Variants in ENPP1 observed in about 807,000 individuals in gnomAD.
ENPP1 encodes ectonucleotide pyrophosphatase/phosphodiesterase family member 1.
ENPP1 carries 73 observed loss-of-function variants against 122.8 expected under a neutral mutation model. The ratio of observed to expected loss-of-function variants is 0.59; its 90% CI spans 0.49 to 0.72. ENPP1 has a LOEUF of 0.72. Among genes scored for constraint, ENPP1 ranks in the 30% least tolerant of loss-of-function variants. The pLI, the probability that ENPP1 is intolerant of heterozygous loss-of-function variation, is 0.00. For missense variants in ENPP1, 978 were observed against 1,128.1 expected (o/e 0.87, Z 1.91); for synonymous variants, 367 against 391.6 (o/e 0.94, Z 0.74).
chr6:131,845,430 T>A (rs1265435970), intron 1 of ENPP1, among the ~76,000 whole-genome samples: 1 of 149,918 alleles, frequency 6.7e-6, no homozygotes, highest in African/African-American at 2.4e-5. Flanking sequence ...AGTAAAACAG[T>A]TTTTGTTGTT....
intron 1 of ENPP1, chr6:131,828,305 A>G: frequency 3.8e-6 from 2 of 520,498 alleles, no homozygotes; most frequent in Admixed American, 4.3e-5. Flanking sequence ...CAGCATGTCC[A>G]CATGATCAGC....
At chr6:131,824,742 C>T (rs1386275178) in intron 1 of ENPP1, among the ~76,000 whole-genome samples, 1 of 152,068 alleles carries the variant, frequency 6.6e-6, no homozygotes, top group East Asian at 2.0e-4. Context: ...GTATGAGCCA[C>T]CGTGCCCAGC....
At chr6:131,845,121 C>T (rs902444539) in intron 1 of ENPP1, among the ~76,000 whole-genome samples, 5 of 121,972 alleles carry the variant, frequency 4.1e-5, no homozygotes, top group Non-Finnish European at 6.3e-5. Context: ...TGCAGTGGTG[C>T]GATCTTGGCT....
intron 1 of ENPP1, among the ~76,000 whole-genome samples, chr6:131,830,905 G>T (rs1781602426): frequency 1.3e-5 from 2 of 151,916 alleles, no homozygotes; most frequent in Non-Finnish European, 2.9e-5. Flanking sequence ...GAGCTCAGGA[G>T]TTCAAGACCA....
At chr6:131,854,340 G>C (rs1446837455) in intron 5 of ENPP1, among the ~76,000 whole-genome samples, 1 of 152,084 alleles carries the variant, frequency 6.6e-6, no homozygotes, top group Non-Finnish European at 1.5e-5. Context: ...TTGAGCCCAG[G>C]AGGTTGAAGC....
intron 1 of ENPP1, among the ~76,000 whole-genome samples, chr6:131,846,022 T>C (rs1781806148): frequency 6.6e-6 from 1 of 152,180 alleles, no homozygotes; most frequent in African/African-American, 2.4e-5. Context: ...TATTTTGAAG[T>C]AAGTAAGACC....
chr6:131,816,832 A>G (rs1045553784), intron 1 of ENPP1, among the ~76,000 whole-genome samples: 1 of 152,212 alleles, frequency 6.6e-6, no homozygotes, highest in Non-Finnish European at 1.5e-5. Context: ...TTGATCCTCA[A>G]TACTCAACAA....
rs1782456062 is a variant in ENPP1, at chr6:131,890,591, A to G, written c.*80A>G. The G allele has an allele frequency of 1.5e-5, 19 of 1,256,514 alleles. No individual in the cohort carries two copies. The highest frequency in any genetic ancestry group is 2.2e-5 in the Non-Finnish European group (19 of 858,502). The allele number at this position is 1,256,514 out of a possible 1,614,324, so 77.8% of individuals were successfully genotyped here. A position where few individuals can be genotyped will look rare whatever the true frequency, so the allele number is the denominator to read the frequency against. On this transcript the variant is annotated 3_prime_UTR_variant, in exon 25 of 25. Coordinates refer to ENST00000647893, the MANE Select transcript of ENPP1 (RefSeq NM_006208.3). ...TATAGTCCTCTAGCTACACTATTGC[A>G]TTGTTCAGAAACTGTCGACCAGAGT...
Position 131,877,866 on chromosome 6 carries a change from A to AATATATAT in ENPP1, c.1894-650_1894-643dup, listed in dbSNP as rs35142604. 161 of 52,990 alleles carry AATATATAT rather than the reference A, an allele frequency of 3.0e-3. 2 individuals carry two copies. The highest frequency in any genetic ancestry group is 5.5e-3 in the African/African-American group (59 of 10,710). The allele number at this position is 52,990 out of a possible 1,614,324, so 3.3% of individuals were successfully genotyped here. A position where few individuals can be genotyped will look rare whatever the true frequency, so the allele number is the denominator to read the frequency against. On this transcript the variant is annotated intron_variant, in intron 18 of 24. Transcript: ENST00000647893. ...AAAAAAAAAAAAAAAAAAAAAAAAA[A>AATATATAT]ATATATATATATATATATATATATA...
chr6:131,861,460 C>G, intron 8 of ENPP1, 135 bp from the exon 9 acceptor site: 2 of 698,092 alleles, frequency 2.9e-6, no homozygotes, highest in Non-Finnish European at 5.3e-6. Flanking sequence ...TTATTGTCAT[C>G]TAAGTGCTGA....
intron 1 of ENPP1, among the ~76,000 whole-genome samples, chr6:131,836,009 C>T (rs7775386): frequency 0.24 from 36,118 of 152,054 alleles, 5,932 homozygotes; most frequent in African/African-American, 0.47. Flanking sequence ...GTGTCGTAAT[C>T]GTAAAACTTC....
chr6:131,877,092 G>A lies in ENPP1; in HGVS notation c.1824G>A (p.Val608=), dbSNP rs1782239029. ...PVYTPKHPKE[V]HPLVQCPFTR... ...ATACGCCAAAGCATCCCAAAGAAGTGCACCCCCTGGTACAGTGCCCCTTCA... is the reference window on the plus strand; with the variant it reads ...ATACGCCAAAGCATCCCAAAGAAGTACACCCCCTGGTACAGTGCCCCTTCA... Residue 608 remains valine, a synonymous_variant, in exon 18 of 25, where the codon GTG becomes GTA. Coordinates refer to ENST00000647893, the MANE Select transcript of ENPP1 (RefSeq NM_006208.3). 1 of 1,613,996 alleles carries A rather than the reference G, an allele frequency of 6.2e-7. No homozygotes were observed. The highest frequency in any genetic ancestry group is 8.5e-7 in the Non-Finnish European group (1 of 1,179,956).
At position 131,890,773 on chromosome 6, in the gene ENPP1, A is replaced by T; in HGVS notation, c.*262A>T. 3 of 469,166 alleles carry T rather than the reference A, an allele frequency of 6.4e-6. No individual in the cohort carries two copies. The highest frequency in any genetic ancestry group is 3.9e-5 in the East Asian group (1 of 25,400). 29.1% of individuals were successfully genotyped at this position (469,166 alleles called of 1,614,324 possible). A position where few individuals can be genotyped will look rare whatever the true frequency, so the allele number is the denominator to read the frequency against. On this transcript the variant is annotated 3_prime_UTR_variant, in exon 25 of 25. Coordinates refer to ENST00000647893, the MANE Select transcript of ENPP1 (RefSeq NM_006208.3). Reference sequence around the variant, plus strand: ...GGAATAAAGACAGACCACACCTAAAACTGCCTTTCTGCTTCTCTTAAAGGA... The same window carrying T: ...GGAATAAAGACAGACCACACCTAAATCTGCCTTTCTGCTTCTCTTAAAGGA...
At chr6:131,859,889 A>G (rs1474521092) in intron 7 of ENPP1, among the ~76,000 whole-genome samples, 1 of 152,194 alleles carries the variant, frequency 6.6e-6, no homozygotes, top group Non-Finnish European at 1.5e-5. Context: ...GCCCTCAGCA[A>G]ACCTTTTGGT....
At chr6:131,839,252 A>G (rs1030297340) in intron 1 of ENPP1, among the ~76,000 whole-genome samples, 2 of 152,012 alleles carry the variant, frequency 1.3e-5, no homozygotes, top group East Asian at 3.9e-4. Context: ...ATCCCATTGA[A>G]TATACTTAAT....
chr6:131,818,219 A>G (rs1436438620), intron 1 of ENPP1, among the ~76,000 whole-genome samples: 1 of 152,086 alleles, frequency 6.6e-6, no homozygotes, highest in Non-Finnish European at 1.5e-5. Context: ...GTATTAAAGG[A>G]GTGATGGCAC....
chr6:131,871,253 TG>T (rs139480723), intron 13 of ENPP1, among the ~76,000 whole-genome samples: 4,135 of 152,296 alleles, frequency 0.027, 80 homozygotes, highest in African/African-American at 0.032. Context: ...TACTCTTATC[TG>T]GATAATTTTC....
At chr6:131,883,671 G>T (rs751824615) in intron 21 of ENPP1, 23 bp from the exon 22 acceptor site, 1 of 1,096,516 alleles carries the variant, frequency 9.1e-7, no homozygotes, top group African/African-American at 1.5e-5. Flanking sequence ...GAATGAAAAA[G>T]TTGTCCTCTT....
At position 131,891,442 on chromosome 6, in the gene ENPP1, G is replaced by A. The variant is rs755205385; in HGVS notation, c.*931G>A. On this transcript the variant is annotated 3_prime_UTR_variant, in exon 25 of 25. Coordinates refer to ENST00000647893, the MANE Select transcript of ENPP1 (RefSeq NM_006208.3). ...CATTCTCTGTTGAGTGGTTCATTTT[G>A]AAGTTCCACAGATTGAAGAGAACAT... The A allele has an allele frequency of 3.9e-5, 6 of 152,166 alleles. No individual in the cohort carries two copies. Among genetic ancestry groups the A allele is most frequent in the African/African-American group, 1.4e-4 (6 of 41,514 alleles). The allele number at this position is 152,166 out of a possible 1,614,324, so 9.4% of individuals were successfully genotyped here.
Sources: gnomAD v4.1 joint callset for allele counts (sites outside exome capture counted in the v4.1 genomes callset) on GRCh38, gnomAD v4.1.1 for gene constraint, MANE v1.5 for transcripts, NCBI Gene and HGNC (gene_info 2026-07-23, HGNC 2026-07-21) for gene names.